Variants in TRHDE observed in about 807,000 individuals in gnomAD.
TRHDE encodes thyrotropin releasing hormone degrading enzyme.
A neutral mutation model predicts 125.7 loss-of-function variants in TRHDE; 72 were observed. The observed-to-expected ratio is 0.57, with a 90% CI of 0.47 to 0.70. The LOEUF (loss-of-function observed/expected upper bound fraction) is 0.70, where lower values mean the gene tolerates loss of function less well. Ranked by LOEUF, TRHDE falls within the 30% of genes least tolerant of loss-of-function variation. TRHDE has a pLI of 0.00. For synonymous variants in TRHDE, 509 were observed against 509.1 expected, an observed-to-expected ratio of 1.00 and a Z score of 0.00; for missense variants, 1,110 against 1,327.1, an observed-to-expected ratio of 0.84 and a Z score of 2.54.
rs539452758 is a variant in TRHDE at position 72,383,083 on chromosome 12, G to C, written c.1315+4962G>C. Among the ~76,000 whole-genome samples the C allele has an allele frequency of 5.9e-5, 9 of 152,194 alleles. No individual in the cohort carries two copies. In the South Asian group the frequency reaches 1.5e-3, roughly 25 times the overall value. On this transcript the variant is annotated intron_variant, in intron 3 of 18. Coordinates refer to ENST00000261180, the MANE Select transcript of TRHDE (RefSeq NM_013381.3). ...AATTTGTTTTTAAATCTCTAAATGA[G>C]GTAATTAAAACTAAGGTTTGCAGAG...
chr12:72,446,313 G>A (rs1295690684), intron 3 of TRHDE, among the ~76,000 whole-genome samples: 1 of 151,704 alleles, frequency 6.6e-6, no homozygotes, highest in Non-Finnish European at 1.5e-5. Flanking sequence ...CCCTCTGAGA[G>A]ATTTTGTCAC....
intron 3 of TRHDE, among the ~76,000 whole-genome samples, chr12:72,410,308 C>A (rs1203734961): frequency 1.3e-5 from 2 of 151,994 alleles, no homozygotes; most frequent in Non-Finnish European, 1.5e-5. Flanking sequence ...TATTATTGAA[C>A]TCTGTCATAT....
chr12:72,508,106 G>T (rs1025102996), intron 6 of TRHDE, among the ~76,000 whole-genome samples: 4 of 152,242 alleles, frequency 2.6e-5, no homozygotes, highest in Non-Finnish European at 2.9e-5. Context: ...GTGGAAATCT[G>T]CTGCAGGGGC....
At chr12:72,136,684 G>A (rs1017922792) in intron 2 of TRHDE, among the ~76,000 whole-genome samples, 2 of 152,186 alleles carry the variant, frequency 1.3e-5, no homozygotes, top group African/African-American at 2.4e-5. Context: ...TACATCCCAC[G>A]GAGAGGGAAT....
intron 3 of TRHDE, among the ~76,000 whole-genome samples, chr12:72,404,266 A>G (rs926910063): frequency 5.9e-5 from 9 of 152,118 alleles, no homozygotes; most frequent in African/African-American, 1.9e-4. Context: ...ACACAGAGAA[A>G]ATTAGCCAGG....
intron 2 of TRHDE, among the ~76,000 whole-genome samples, chr12:72,119,395 A>G (rs552478159): frequency 6.6e-6 from 1 of 152,324 alleles, no homozygotes; most frequent in East Asian, 1.9e-4. Context: ...TTTTGGTCAT[A>G]GAAGATGCTT....
At chr12:72,239,737 C>T (rs115798768) in intron 2 of TRHDE, among the ~76,000 whole-genome samples, 2,825 of 152,140 alleles carry the variant, frequency 0.019, 95 homozygotes, top group African/African-American at 0.065. Context: ...TCAATAGACA[C>T]GAGATGTCTA....
At chr12:72,546,180 T>G (rs1485640016) in intron 7 of TRHDE, among the ~76,000 whole-genome samples, 1 of 151,752 alleles carries the variant, frequency 6.6e-6, no homozygotes, top group African/African-American at 2.4e-5. Flanking sequence ...TGAAATTTAC[T>G]TGAGTTGTAA....
At chr12:72,449,230 A>G (rs1182610153) in intron 3 of TRHDE, among the ~76,000 whole-genome samples, 1 of 152,068 alleles carries the variant, frequency 6.6e-6, no homozygotes, top group Non-Finnish European at 1.5e-5. Context: ...GTCTAACTAA[A>G]TTTTTATATA....
At position 72,549,837 on chromosome 12, in the gene TRHDE, C is replaced by A. The variant is rs186032792; in HGVS notation, c.1788+7481C>A. ...ATATTTCTGGATCAGAGAGAAATAA[C>A]TTTTATTCATCAATTTTTAAAATAT... On this transcript the variant is annotated intron_variant, in intron 7 of 18. Coordinates refer to ENST00000261180, the MANE Select transcript of TRHDE (RefSeq NM_013381.3). Among the ~76,000 whole-genome samples the A allele has an allele frequency of 2.6e-3, 392 of 151,708 alleles. 2 individuals carry two copies. The highest frequency in any genetic ancestry group is 8.9e-3 in the African/African-American group (371 of 41,466).
intron 2 of TRHDE, among the ~76,000 whole-genome samples, chr12:72,125,622 T>C (rs1875695722): frequency 1.3e-5 from 2 of 152,242 alleles, no homozygotes; most frequent in South Asian, 2.1e-4. Context: ...TAAAAGTATA[T>C]AGTATTTTAA....
In TRHDE at chr12:72,640,985, A is replaced by G. The variant is rs116432477; in HGVS notation, c.2676-11337A>G. ...ATTAAATCCACATTTCAGTGTTAAT[A>G]CAATCACTAATGAAAGAATCTTGTA... is the stretch of plus-strand genomic sequence containing the variant. On this transcript the variant is annotated intron_variant, in intron 15 of 18. Transcript: ENST00000261180. Among the ~76,000 whole-genome samples the G allele has an allele frequency of 3.3e-3, 498 of 152,320 alleles. 3 individuals carry two copies. The highest frequency in any genetic ancestry group is 0.011 in the African/African-American group (453 of 41,566).
intron 2 of TRHDE, among the ~76,000 whole-genome samples, chr12:72,189,511 T>C (rs1277974921): frequency 6.6e-6 from 1 of 152,190 alleles, no homozygotes; most frequent in Non-Finnish European, 1.5e-5. Context: ...TAGCAGGACC[T>C]GCTAAACAGG....
At chr12:72,104,331 G>A (rs1347062497) in intron 1 of TRHDE, among the ~76,000 whole-genome samples, 4 of 152,176 alleles carry the variant, frequency 2.6e-5, no homozygotes, top group Non-Finnish European at 5.9e-5. Flanking sequence ...AGATGCATGT[G>A]TGTGGCTTGG....
intron 7 of TRHDE, among the ~76,000 whole-genome samples, chr12:72,544,173 A>G (rs777492250): frequency 5.1e-4 from 77 of 151,478 alleles, no homozygotes; most frequent in Non-Finnish European, 9.6e-4. Flanking sequence ...TTAGTGTATC[A>G]TCAGCAGTTT....
intron 6 of TRHDE, among the ~76,000 whole-genome samples, chr12:72,500,641 C>T (rs1158064322): frequency 1.6e-4 from 24 of 152,120 alleles, no homozygotes; most frequent in Admixed American, 1.6e-3. Flanking sequence ...ATCCACCCGC[C>T]TCTGCCTCCC....
intron 2 of TRHDE, among the ~76,000 whole-genome samples, chr12:72,146,163 C>T (rs1169595526): frequency 6.6e-6 from 1 of 152,102 alleles, no homozygotes; most frequent in African/African-American, 2.4e-5. Context: ...GTGAGGCATA[C>T]CCATTTATTA....
chr12:72,447,224 G>A (rs575373504), intron 3 of TRHDE, among the ~76,000 whole-genome samples: 2 of 152,086 alleles, frequency 1.3e-5, no homozygotes, highest in Admixed American at 6.6e-5. Flanking sequence ...ACTCAAAACT[G>A]CTCAACTACA....
intron 2 of TRHDE, among the ~76,000 whole-genome samples, chr12:72,339,212 G>T (rs1045325925): frequency 2.0e-5 from 3 of 152,024 alleles, no homozygotes; most frequent in African/African-American, 7.2e-5. Flanking sequence ...CTGTCCTGAA[G>T]CTCTTACACA....
Sources: allele counts gnomAD v4.1 joint callset (sites outside exome capture counted in the v4.1 genomes callset), GRCh38; gene constraint gnomAD v4.1.1; transcripts MANE v1.5; gene names NCBI Gene and HGNC (gene_info 2026-07-23, HGNC 2026-07-21).